Variants in PRORP observed in about 807,000 individuals in gnomAD.
The protein encoded by PRORP is mitochondrial ribonuclease P catalytic subunit.
In PRORP, 51 loss-of-function variants were observed where a neutral mutation model predicts 59.4. The observed-to-expected ratio is 0.86, with a 90% confidence interval of 0.69 to 1.08. PRORP has a LOEUF of 1.08. Ranked by LOEUF, PRORP falls within the 50% of genes least tolerant of loss-of-function variation. PRORP has a pLI of 0.00. For synonymous variants in PRORP, 231 were observed against 245.6 expected, an observed-to-expected ratio of 0.94 and a Z score of 0.55; for missense variants, 646 against 690.3, an observed-to-expected ratio of 0.94 and a Z score of 0.72.
chr14:35,195,437 A>T (rs1364047306), intron 5 of PRORP, among the ~76,000 whole-genome samples: 2 of 152,086 alleles, frequency 1.3e-5, no homozygotes, highest in Admixed American at 1.3e-4. Context: ...TTTTTTGAAA[A>T]TAAAAAAAAA....
At chr14:35,200,019 A>G (rs2049106513) in intron 5 of PRORP, among the ~76,000 whole-genome samples, 1 of 152,190 alleles carries the variant, frequency 6.6e-6, no homozygotes, top group Non-Finnish European at 1.5e-5. Context: ...AGCTTGGAGG[A>G]TAAATGGAAA....
rs1312521106 is a variant in PRORP, at chr14:35,235,168, G to A, written c.1276-31559G>A. The stretch of plus-strand genomic sequence containing the variant: ...TTTTATGTACAGAAAACTCAACAGT[G>A]TACATTTAACTCAGTTTAGTGGAAA... On this transcript the variant is annotated intron_variant, in intron 5 of 7. Transcript: ENST00000534898. 1.6e-5 allele frequency: 10 copies of A among 640,124 alleles called. No individual in the cohort carries two copies. In the Admixed American group the frequency reaches 1.7e-4, roughly 11 times the overall value. The allele number at this position is 640,124 out of a possible 1,614,324, so 39.7% of individuals were successfully genotyped here.
chr14:35,256,130 A>C (rs1240200982), intron 5 of PRORP, among the ~76,000 whole-genome samples: 1 of 150,756 alleles, frequency 6.6e-6, no homozygotes, highest in East Asian at 2.0e-4. Context: ...CTAAAAATAC[A>C]AAAATTAGTT....
At chr14:35,186,570 C>T (rs2048747814) in intron 5 of PRORP, among the ~76,000 whole-genome samples, 2 of 151,472 alleles carry the variant, frequency 1.3e-5, no homozygotes, top group Admixed American at 1.3e-4. Context: ...AGTCTTCATT[C>T]TGTCTTTTCC....
At chr14:35,154,027 C>G (rs1284999909) in intron 4 of PRORP, among the ~76,000 whole-genome samples, 1 of 152,146 alleles carries the variant, frequency 6.6e-6, no homozygotes, top group Non-Finnish European at 1.5e-5. Flanking sequence ...CACTTTCGTT[C>G]TTTTTCCTGG....
At chr14:35,238,190 C>T (rs1305886505) in intron 5 of PRORP, among the ~76,000 whole-genome samples, 2 of 151,962 alleles carry the variant, frequency 1.3e-5, no homozygotes, top group African/African-American at 2.4e-5. Context: ...AAGTCACTTC[C>T]CTGAATCGTT....
At chr14:35,150,376 T>G (rs1018172414) in intron 4 of PRORP, among the ~76,000 whole-genome samples, 2 of 152,132 alleles carry the variant, frequency 1.3e-5, no homozygotes, top group Non-Finnish European at 2.9e-5. Flanking sequence ...CACACAACAT[T>G]TATTGATTAA....
chr14:35,251,101 T>C (rs370350685), intron 5 of PRORP, among the ~76,000 whole-genome samples: 72 of 152,360 alleles, frequency 4.7e-4, no homozygotes, highest in African/African-American at 1.6e-3. Flanking sequence ...CTCCCACTTA[T>C]GAGTGAGAAC....
At chr14:35,177,198 AT>A (rs199892962) in intron 4 of PRORP, among the ~76,000 whole-genome samples, 89,276 of 151,856 alleles carry the variant, frequency 0.59, 26,375 homozygotes, top group East Asian at 0.69. Context: ...TTGGTCTAAA[AT>A]TTCTCTTTTT....
chr14:35,158,866 A>G (rs922205990), intron 4 of PRORP: 50 of 306,156 alleles, frequency 1.6e-4, no homozygotes, highest in Middle Eastern at 2.6e-3. Context: ...TGGAGAATGC[A>G]AATCTATGAG....
rs2051254473 is a variant in PRORP, at chr14:35,273,706, T to G, written c.*140T>G. On this transcript the variant is annotated 3_prime_UTR_variant, in exon 8 of 8. Transcript: ENST00000534898. The stretch of plus-strand genomic sequence containing the variant: ...TATTAACAGCATTGACATTGATTTT[T>G]TAATGAAATGAGATATATCTTTTCA... 1.4e-6 allele frequency: 1 copy of G among 702,052 alleles called. No individual in the cohort carries two copies. Among genetic ancestry groups the G allele is most frequent in the Admixed American group, 3.7e-5 (1 of 26,944 alleles). The allele number at this position is 702,052 out of a possible 1,614,324, so 43.5% of individuals were successfully genotyped here.
At chr14:35,122,008 C>G, upstream of PRORP, 2 of 1,603,562 alleles carry the variant, frequency 1.2e-6, no homozygotes, top group East Asian at 2.2e-5. Context: ...CCTACCTGCT[C>G]CACCCCTACC....
chr14:35,161,865 A>G (rs1055604973), intron 4 of PRORP, among the ~76,000 whole-genome samples: 3 of 152,176 alleles, frequency 2.0e-5, no homozygotes, highest in African/African-American at 7.2e-5. Flanking sequence ...TGGAATTTAC[A>G]GGATAATGTA....
rs60270535 is a variant in PRORP, at chr14:35,230,938, AACACACACAC to A, written c.1276-35756_1276-35747del. Among the ~76,000 whole-genome samples, 930 of 144,520 alleles carry A rather than the reference AACACACACAC, an allele frequency of 6.4e-3. 10 individuals are homozygous for A. The highest frequency in any genetic ancestry group is 0.046 in the East Asian group (221 of 4,802). 94.8% of individuals were successfully genotyped at this position (144,520 alleles called of 152,430 possible). A position where few individuals can be genotyped will look rare whatever the true frequency, so the allele number is the denominator to read the frequency against. The stretch of plus-strand genomic sequence containing the variant: ...CAACTGTGTAAAGACAGGAAAAGAG[AACACACACAC>A]ACACACACACACACACACACACACA... On this transcript the variant is annotated intron_variant, in intron 5 of 7. Transcript: ENST00000534898.
chr14:35,190,102 C>T (rs1264362250), intron 5 of PRORP, among the ~76,000 whole-genome samples: 9 of 135,002 alleles, frequency 6.7e-5, no homozygotes, highest in Admixed American at 4.0e-4. Flanking sequence ...AGTGAGACTC[C>T]GTCTTAAAAA....
chr14:35,241,461 T>C (rs2050367453), intron 5 of PRORP, among the ~76,000 whole-genome samples: 1 of 152,192 alleles, frequency 6.6e-6, no homozygotes, highest in Non-Finnish European at 1.5e-5. Flanking sequence ...TTGGCTCTCA[T>C]TTGTGGCTCA....
intron 5 of PRORP, among the ~76,000 whole-genome samples, chr14:35,200,519 A>AGT (rs1209574421): frequency 6.6e-6 from 1 of 152,032 alleles, no homozygotes; most frequent in Non-Finnish European, 1.5e-5. Flanking sequence ...ATTACTCTCC[A>AGT]GTATTTTGTT....
At chr14:35,212,366 T>A (rs570594093) in intron 5 of PRORP, among the ~76,000 whole-genome samples, 30 of 152,344 alleles carry the variant, frequency 2.0e-4, no homozygotes, top group Admixed American at 5.9e-4. Context: ...TTCAATTGAT[T>A]TTGCTTAGAT....
At chr14:35,193,061 A>G (rs937255989) in intron 5 of PRORP, among the ~76,000 whole-genome samples, 4 of 151,488 alleles carry the variant, frequency 2.6e-5, no homozygotes, top group Admixed American at 2.6e-4. Context: ...CTTCCCCCAC[A>G]TACCTACCCA....
Sources: gnomAD v4.1 joint callset for allele counts (sites outside exome capture counted in the v4.1 genomes callset) on GRCh38, gnomAD v4.1.1 for gene constraint, MANE v1.5 for transcripts, NCBI Gene and HGNC (gene_info 2026-07-23, HGNC 2026-07-21) for gene names.